The following FGGY variants were observed in gnomAD, a reference collection of about 807,000 sequenced individuals.
The protein encoded by FGGY is FGGY carbohydrate kinase domain containing, also known as FGGY carbohydrate kinase domain-containing protein.
In FGGY, 72 loss-of-function variants were observed where a neutral mutation model predicts 71.3. The ratio of observed to expected loss-of-function variants is 1.01; its 90% CI spans 0.84 to 1.23. The LOEUF is 1.23. FGGY is among the 50% of genes most tolerant of loss of function. The pLI, the probability that FGGY is intolerant of heterozygous loss-of-function variation, is 0.00. For missense variants in FGGY, 668 were observed against 682.3 expected, an observed-to-expected ratio of 0.98 and a Z score of 0.23; for synonymous variants, 251 against 250.3, an observed-to-expected ratio of 1.00 and a Z score of -0.02.
chr1:59,369,466 C>T (rs924814136), intron 4 of FGGY, among the ~76,000 whole-genome samples: 1 of 152,230 alleles, frequency 6.6e-6, no homozygotes, highest in African/African-American at 2.4e-5. Context: ...CCTCTGTAGG[C>T]TCCACCTCTG....
intron 8 of FGGY, among the ~76,000 whole-genome samples, chr1:59,584,175 A>T (rs1412376168): frequency 1.3e-5 from 2 of 149,194 alleles, no homozygotes; most frequent in Admixed American, 6.6e-5. Context: ...GAGGCCAGCA[A>T]CATCCTGATA....
Position 59,604,836 on chromosome 1 carries a change from C to T in FGGY, c.904-2967C>T, listed in dbSNP as rs138484888. On this transcript the variant is annotated intron_variant, in intron 8 of 15. Transcript: ENST00000303721. ...ACAGAAAGAGATGACTTGGCTTTGG[C>T]TCTACCTGTGCAAACCCTGGGTCCT... is the stretch of plus-strand genomic sequence containing the variant. Among the ~76,000 whole-genome samples the T allele has an allele frequency of 3.3e-5, 5 of 152,294 alleles. No homozygotes were observed. In the East Asian group the frequency reaches 9.6e-4, roughly 29 times the overall value.
intron 5 of FGGY, among the ~76,000 whole-genome samples, chr1:59,454,008 A>G (rs1194410051): frequency 1.3e-5 from 2 of 152,142 alleles, no homozygotes; most frequent in African/African-American, 2.4e-5. Context: ...TTAAACTTAC[A>G]ATGGTACCTC....
At chr1:59,299,584 G>GA (rs760275944) in intron 1 of FGGY, among the ~76,000 whole-genome samples, 1 of 150,678 alleles carries the variant, frequency 6.6e-6, no homozygotes. Flanking sequence ...TGCCACAAAA[G>GA]AAATAGCACT....
At chr1:59,631,406 C>T (rs568426285) in intron 10 of FGGY, among the ~76,000 whole-genome samples, 1 of 152,272 alleles carries the variant, frequency 6.6e-6, no homozygotes, top group African/African-American at 2.4e-5. Context: ...CGGTTTCCTT[C>T]CACTTTTCTT....
intron 6 of FGGY, among the ~76,000 whole-genome samples, chr1:59,471,189 A>T (rs2092923301): frequency 7.7e-6 from 1 of 130,474 alleles, no homozygotes; most frequent in African/African-American, 2.8e-5. Flanking sequence ...TTCTCTTGAT[A>T]GTGAAGGAGT....
intron 14 of FGGY, among the ~76,000 whole-genome samples, chr1:59,727,782 A>G (rs2097966257): frequency 6.6e-6 from 1 of 152,128 alleles, no homozygotes; most frequent in South Asian, 2.1e-4. Context: ...GTATCACAAT[A>G]CCTGTCTTCT....
At chr1:59,348,234 G>A (rs1024662181) in intron 4 of FGGY, among the ~76,000 whole-genome samples, 10 of 152,124 alleles carry the variant, frequency 6.6e-5, no homozygotes, top group African/African-American at 2.4e-4. Context: ...AGCCGAGGTG[G>A]GATTTAAGTC....
In FGGY at chr1:59,653,647, C is replaced by G. The variant is rs4912405; in HGVS notation, c.1222-6572C>G. 7.8e-4 allele frequency among the ~76,000 whole-genome samples: 119 copies of G among 152,350 alleles called. 1 individual carries two copies. Among genetic ancestry groups the G allele is most frequent in the Admixed American group, 6.3e-3 (96 of 15,306 alleles). ...GCTTGCACCCACTGGCCTGCGCCCACTGTCTGGGACTCCCTAGTGAGATGA... is the reference window on the plus strand; with the variant it reads ...GCTTGCACCCACTGGCCTGCGCCCAGTGTCTGGGACTCCCTAGTGAGATGA... On this transcript the variant is annotated intron_variant, in intron 11 of 15. Coordinates refer to ENST00000303721, the MANE Select transcript of FGGY (RefSeq NM_018291.5).
At chr1:59,673,764 AG>A in intron 13 of FGGY, 1 of 355,858 alleles carries the variant, frequency 2.8e-6, no homozygotes. Context: ...AGCAGCTTGC[AG>A]AAGCCTGAAA....
At chr1:59,538,167 T>C (rs1204897163) in intron 7 of FGGY, among the ~76,000 whole-genome samples, 3 of 151,950 alleles carry the variant, frequency 2.0e-5, no homozygotes, top group Admixed American at 1.3e-4. Context: ...AACAACCCCA[T>C]GAAAAAGTGG....
At chr1:59,586,013 G>C in intron 8 of FGGY, among the ~76,000 whole-genome samples, 1 of 152,198 alleles carries the variant, frequency 6.6e-6, no homozygotes, top group Non-Finnish European at 1.5e-5. Flanking sequence ...GGAAACAACA[G>C]ATGCTGGAGA....
intron 11 of FGGY, among the ~76,000 whole-genome samples, chr1:59,650,236 G>C (rs2097143730): frequency 6.8e-6 from 1 of 146,038 alleles, no homozygotes. Context: ...TCTCTGCCAG[G>C]GTTTGGTATC....
At chr1:59,553,280 G>A (rs775954292) in intron 7 of FGGY, among the ~76,000 whole-genome samples, 3 of 152,216 alleles carry the variant, frequency 2.0e-5, no homozygotes, top group Non-Finnish European at 2.9e-5. Context: ...AAGTCTGCGT[G>A]TTTGTGGCTT....
chr1:59,350,623 T>C (rs910298452), intron 4 of FGGY, among the ~76,000 whole-genome samples: 1 of 152,014 alleles, frequency 6.6e-6, no homozygotes, highest in Non-Finnish European at 1.5e-5. Flanking sequence ...AAGGGCTTAT[T>C]TGGTGATAGG....
intron 8 of FGGY, among the ~76,000 whole-genome samples, chr1:59,598,023 C>T (rs969949322): frequency 2.6e-5 from 4 of 152,228 alleles, no homozygotes; most frequent in African/African-American, 9.6e-5. Context: ...CACGCTACCT[C>T]CTCGTTAGCT....
chr1:59,759,063 G>A (rs1335603725), intron 15 of FGGY, among the ~76,000 whole-genome samples: 1 of 152,130 alleles, frequency 6.6e-6, no homozygotes, highest in Non-Finnish European at 1.5e-5. Context: ...TTAATTTGCT[G>A]GTAGTGATTT....
At chr1:59,441,236 G>C (rs984730626) in intron 5 of FGGY, among the ~76,000 whole-genome samples, 1 of 152,160 alleles carries the variant, frequency 6.6e-6, no homozygotes, top group Non-Finnish European at 1.5e-5. Context: ...GCAGAAATGT[G>C]TTTGGGAATC....
chr1:59,667,369 T>C lies in FGGY; in HGVS notation c.1383T>C (p.Asn461=). ...TCCTATGTGGAGGCCTCAGCAAGAA[T>C]CCCCTTTTTGTGCAAATGCATGCGG... ...TLFLCGGLSK[N]PLFVQMHADI... is the part of the protein sequence containing the mutation. Residue 461 remains asparagine, a synonymous_variant, in exon 13 of 16, where the codon AAT becomes AAC. Transcript: ENST00000303721. 6.2e-7 allele frequency: 1 copy of C among 1,614,112 alleles called. No individual in the cohort carries two copies. Among genetic ancestry groups the C allele is most frequent in the Non-Finnish European group, 8.5e-7 (1 of 1,179,992 alleles).
Sources: allele counts gnomAD v4.1 joint callset (sites outside exome capture counted in the v4.1 genomes callset), GRCh38; gene constraint gnomAD v4.1.1; transcripts MANE v1.5; gene names NCBI Gene and HGNC (gene_info 2026-07-23, HGNC 2026-07-21).